The following ADAMTSL3 variants were observed in gnomAD, a reference collection of about 807,000 sequenced individuals.
ADAMTSL3 encodes ADAMTS-like protein 3.
In ADAMTSL3, 128 loss-of-function variants were observed where a neutral mutation model predicts 201.7. That is an observed-to-expected ratio of 0.63 (90% CI 0.55 to 0.73). The LOEUF (loss-of-function observed/expected upper bound fraction) is 0.73, where lower values mean the gene tolerates loss of function less well. Ranked by LOEUF, ADAMTSL3 falls within the 30% of genes least tolerant of loss-of-function variation. ADAMTSL3 has a pLI of 0.00. For missense variants in ADAMTSL3, 1,990 were observed against 2,119.6 expected (o/e 0.94, Z 1.20); for synonymous variants, 738 against 748.4 (o/e 0.99, Z 0.23).
chr15:83,681,592 G>C (rs1405883283), intron 2 of ADAMTSL3, among the ~76,000 whole-genome samples: 1 of 152,210 alleles, frequency 6.6e-6, no homozygotes, highest in African/African-American at 2.4e-5. Context: ...AGTTCTGGTT[G>C]ACATTTCTCT....
chr15:84,015,038 T>C (rs1314640617), intron 24 of ADAMTSL3, among the ~76,000 whole-genome samples: 1 of 152,044 alleles, frequency 6.6e-6, no homozygotes, highest in Non-Finnish European at 1.5e-5. Flanking sequence ...CTCTGCCTCC[T>C]GGGTTCAAGT....
intron 2 of ADAMTSL3, among the ~76,000 whole-genome samples, chr15:83,666,000 T>C (rs1322997263): frequency 2.0e-5 from 3 of 152,170 alleles, no homozygotes; most frequent in African/African-American, 7.2e-5. Context: ...ACATATTCAT[T>C]ATAAAAATGT....
chr15:83,829,495 T>G, intron 6 of ADAMTSL3, among the ~76,000 whole-genome samples: 1 of 152,198 alleles, frequency 6.6e-6, no homozygotes, highest in Non-Finnish European at 1.5e-5. Context: ...ATTCTTTGAT[T>G]TTTTGAAGGT....
At chr15:83,844,117 A>T (rs2064443453) in intron 7 of ADAMTSL3, among the ~76,000 whole-genome samples, 1 of 152,194 alleles carries the variant, frequency 6.6e-6, no homozygotes, top group South Asian at 2.1e-4. Context: ...AGGCAAATAA[A>T]CAAGATCGGC....
chr15:83,803,020 A>C (rs1453037248), intron 4 of ADAMTSL3, among the ~76,000 whole-genome samples: 1 of 152,196 alleles, frequency 6.6e-6, no homozygotes, highest in Non-Finnish European at 1.5e-5. Flanking sequence ...AGCTACCAAA[A>C]TAATGCTTGT....
intron 3 of ADAMTSL3, among the ~76,000 whole-genome samples, chr15:83,708,677 G>A (rs1716911081): frequency 6.6e-6 from 1 of 152,170 alleles, no homozygotes. Context: ...AAAAAACAAA[G>A]TGACTGGATT....
rs761613007 is a variant in ADAMTSL3 at position 83,838,126 on chromosome 15, A to G, written c.638A>G (p.Lys213Arg). The change falls in exon 7 of 30, where the codon AAG (lysine) becomes AGG (arginine). Residue 213 changes from lysine (K) to arginine (R), a missense_variant. Coordinates refer to ENST00000286744, the MANE Select transcript of ADAMTSL3 (RefSeq NM_207517.3). ...GCDRQLGSNA[K>R]EDNCGVCAGD... The stretch of plus-strand genomic sequence containing the variant: ...GATCGGCAACTGGGAAGCAATGCCA[A>G]GGAGGACAACTGTGGAGTCTGTGCC... The G allele has an allele frequency of 1.1e-5, 17 of 1,612,750 alleles. No individual in the cohort carries two copies. The highest frequency in any genetic ancestry group is 1.4e-5 in the Non-Finnish European group (17 of 1,179,518).
At chr15:83,927,635 G>A (rs2066273708) in intron 17 of ADAMTSL3, among the ~76,000 whole-genome samples, 1 of 152,162 alleles carries the variant, frequency 6.6e-6, no homozygotes, top group African/African-American at 2.4e-5. Flanking sequence ...CTTGTTTTCT[G>A]TATATGAAAA....
At position 83,870,905 on chromosome 15, in the gene ADAMTSL3, C is replaced by T. The variant is rs1445255735; in HGVS notation, c.906C>T (p.Ser302=). 4 of 1,613,246 alleles carry T rather than the reference C, an allele frequency of 2.5e-6. No individual in the cohort carries two copies. Among genetic ancestry groups the T allele is most frequent in the South Asian group, 2.2e-5 (2 of 90,888 alleles). ...CAACAGTGGAATTTCAGAGGGGCTC[C>T]GAGAGGCAAACTTTTAAGATTCCAG... is the stretch of plus-strand genomic sequence containing the variant. ...ENTTVEFQRG[S]ERQTFKIPGP... The change falls in exon 9 of 30, where the codon TCC becomes TCT. Residue 302 remains serine (S), a synonymous_variant. Transcript: ENST00000286744.
chr15:83,863,831 G>GT (rs1303196787), intron 8 of ADAMTSL3, among the ~76,000 whole-genome samples: 1 of 152,096 alleles, frequency 6.6e-6, no homozygotes, highest in Non-Finnish European at 1.5e-5. Flanking sequence ...CCAGGAGCTG[G>GT]TTTTTTGAAA....
intron 3 of ADAMTSL3, among the ~76,000 whole-genome samples, chr15:83,741,059 A>G (rs1163401839): frequency 6.6e-6 from 1 of 152,096 alleles, no homozygotes; most frequent in Non-Finnish European, 1.5e-5. Context: ...TCTGGAATGT[A>G]GAAAGAGATA....
rs567248809 is a variant in ADAMTSL3, at chr15:83,802,763, G to A, written c.318-1887G>A. ...GGTGATGGAACTGTTCCAAATATTG[G>A]TTGTGGTAGTGGTTGCACAATTGTA... On this transcript the variant is annotated intron_variant, in intron 4 of 29. Transcript: ENST00000286744. 2.0e-5 allele frequency among the ~76,000 whole-genome samples: 3 copies of A among 152,284 alleles called. No individual in the cohort carries two copies. The South Asian group carries it at 6.2e-4, about 32-fold the overall frequency.
chr15:83,879,563 TA>T (rs1404303741), intron 9 of ADAMTSL3, among the ~76,000 whole-genome samples: 3 of 152,228 alleles, frequency 2.0e-5, no homozygotes, highest in African/African-American at 7.2e-5. Flanking sequence ...GTAATCTTTT[TA>T]AAATTTATTT....
chr15:83,964,027 C>T (rs1351024818), intron 19 of ADAMTSL3, among the ~76,000 whole-genome samples: 1 of 152,100 alleles, frequency 6.6e-6, no homozygotes, highest in African/African-American at 2.4e-5. Context: ...ATCAAAAGAC[C>T]ATCAAAGACC....
At chr15:83,801,653 T>TATAAATATAA (rs1306061999) in intron 4 of ADAMTSL3, among the ~76,000 whole-genome samples, 56 of 33,990 alleles carry the variant, frequency 1.6e-3, no homozygotes, top group African/African-American at 4.5e-3. Context: ...TAAATATAAA[T>TATAAATATAA]ATATATATAT....
In ADAMTSL3 at chr15:83,950,104, C is replaced by G. The variant is rs546246694; in HGVS notation, c.2490+7022C>G. 1.1e-4 allele frequency among the ~76,000 whole-genome samples: 16 copies of G among 152,138 alleles called. No individual in the cohort carries two copies. The South Asian group carries it at 2.7e-3, about 26-fold the overall frequency. On this transcript the variant is annotated intron_variant, in intron 19 of 29. Transcript: ENST00000286744. ...CCCAGAGCAGTGTCCTGAAAAGTTT[C>G]CCCAACGTTTTCTTGTAGCAGTTTC... is the stretch of plus-strand genomic sequence containing the variant.
At chr15:83,756,521 C>T (rs2062721961) in intron 3 of ADAMTSL3, among the ~76,000 whole-genome samples, 1 of 152,058 alleles carries the variant, frequency 6.6e-6, no homozygotes, top group Non-Finnish European at 1.5e-5. Context: ...GGGGTCCCTC[C>T]AATGACAGAT....
chr15:83,740,823 T>G (rs1161966763), intron 3 of ADAMTSL3, among the ~76,000 whole-genome samples: 1 of 152,182 alleles, frequency 6.6e-6, no homozygotes, highest in Non-Finnish European at 1.5e-5. Context: ...TTATGAGCAG[T>G]TACTTTGTAT....
intron 7 of ADAMTSL3, among the ~76,000 whole-genome samples, chr15:83,845,144 CAG>C (rs1455967052): frequency 6.6e-6 from 1 of 152,256 alleles, no homozygotes; most frequent in African/African-American, 2.4e-5. Flanking sequence ...GTCGCCTCCT[CAG>C]AGAGGCTTTC....
Sources: allele counts gnomAD v4.1 joint callset (sites outside exome capture counted in the v4.1 genomes callset), GRCh38; gene constraint gnomAD v4.1.1; transcripts MANE v1.5; gene names NCBI Gene and HGNC (gene_info 2026-07-23, HGNC 2026-07-21).